The following FAM107B variants were observed in gnomAD, a reference collection of about 807,000 sequenced individuals.
The protein encoded by FAM107B is family with sequence similarity 107 member B.
FAM107B carries 21 observed loss-of-function variants against 31.5 expected under a neutral mutation model. The ratio of observed to expected loss-of-function variants is 0.67; its 90% CI spans 0.47 to 0.96. The LOEUF (loss-of-function observed/expected upper bound fraction) is 0.96. FAM107B is among the 40% of genes least tolerant of loss of function. The pLI, the probability that FAM107B is intolerant of heterozygous loss-of-function variation, is 0.00. For synonymous variants in FAM107B, 157 were observed against 141.5 expected (o/e 1.11, Z -0.78); for missense variants, 452 against 377.1 (o/e 1.20, Z -1.64).
chr10:14,704,794 C>T (rs900546667), intron 1 of FAM107B, among the ~76,000 whole-genome samples: 21 of 152,076 alleles, frequency 1.4e-4, no homozygotes, highest in Non-Finnish European at 2.9e-4. Context: ...GAGGCCAAGG[C>T]GGGTAGATTA....
intron 2 of FAM107B, among the ~76,000 whole-genome samples, chr10:14,546,642 C>T (rs140652288): frequency 6.6e-6 from 1 of 152,196 alleles, no homozygotes; most frequent in African/African-American, 2.4e-5. Context: ...AAACCAGTGA[C>T]TGCTCAGACA....
chr10:14,741,008 C>T (rs1856424267), intron 1 of FAM107B, among the ~76,000 whole-genome samples: 2 of 152,076 alleles, frequency 1.3e-5, no homozygotes. Flanking sequence ...GTGAAAACTA[C>T]AACAGGACCT....
chr10:14,744,758 T>C (rs1325981001), intron 1 of FAM107B, among the ~76,000 whole-genome samples: 1 of 152,206 alleles, frequency 6.6e-6, no homozygotes. Context: ...CAGTATTTTA[T>C]TGAGAAGTTT....
At chr10:14,761,340 G>C (rs1833044049) in intron 1 of FAM107B, among the ~76,000 whole-genome samples, 1 of 151,786 alleles carries the variant, frequency 6.6e-6, no homozygotes, top group Non-Finnish European at 1.5e-5. Context: ...GATAATAAAT[G>C]CTAAAAGAGC....
intron 1 of FAM107B, among the ~76,000 whole-genome samples, chr10:14,689,206 C>A (rs1855064945): frequency 6.6e-6 from 1 of 151,580 alleles, no homozygotes; most frequent in Non-Finnish European, 1.5e-5. Context: ...ATAGCAAAAC[C>A]TCATCTCTAA....
chr10:14,539,311 T>C (rs540407015), intron 2 of FAM107B, among the ~76,000 whole-genome samples: 2 of 152,286 alleles, frequency 1.3e-5, no homozygotes, highest in East Asian at 3.9e-4. Context: ...CTGGTATCTG[T>C]CAGAAGAAAG....
intron 2 of FAM107B, among the ~76,000 whole-genome samples, chr10:14,605,384 G>A (rs1229372192): frequency 6.6e-6 from 1 of 152,150 alleles, no homozygotes; most frequent in African/African-American, 2.4e-5. Context: ...CGGTTTCAGC[G>A]TAGCAAAAAG....
intron 2 of FAM107B, among the ~76,000 whole-genome samples, chr10:14,654,952 T>C (rs1854004862): frequency 6.6e-6 from 1 of 152,186 alleles, no homozygotes; most frequent in Non-Finnish European, 1.5e-5. Context: ...CTCAGTTCAT[T>C]CTGCATTGCT....
At chr10:14,538,494 A>G (rs749299096) in intron 2 of FAM107B, among the ~76,000 whole-genome samples, 2 of 152,220 alleles carry the variant, frequency 1.3e-5, no homozygotes, top group Non-Finnish European at 2.9e-5. Flanking sequence ...CCATGTACAT[A>G]ATGTTCAAAA....
intron 2 of FAM107B, chr10:14,548,533 A>G: frequency 1.0e-6 from 1 of 985,472 alleles, no homozygotes; most frequent in Non-Finnish European, 1.2e-6. Context: ...TGGAGGTGGC[A>G]GGAGGAACCT....
chr10:14,705,398 G>A (rs1375971887), intron 1 of FAM107B, among the ~76,000 whole-genome samples: 2 of 152,066 alleles, frequency 1.3e-5, no homozygotes, highest in African/African-American at 4.8e-5. Context: ...AGTCTAGAAT[G>A]GATATTTGCA....
At chr10:14,564,857 T>C (rs1018731444) in intron 2 of FAM107B, among the ~76,000 whole-genome samples, 1 of 152,222 alleles carries the variant, frequency 6.6e-6, no homozygotes, top group Non-Finnish European at 1.5e-5. Context: ...TACTATACCA[T>C]TGTCCTACTC....
At chr10:14,601,685 C>G (rs1205179900) in intron 2 of FAM107B, among the ~76,000 whole-genome samples, 1 of 152,200 alleles carries the variant, frequency 6.6e-6, no homozygotes, top group East Asian at 1.9e-4. Context: ...TGCCCAAAAT[C>G]TAGATCTCAC....
chr10:14,604,971 C>T (rs1852551846), intron 2 of FAM107B, among the ~76,000 whole-genome samples: 5 of 152,120 alleles, frequency 3.3e-5, no homozygotes, highest in Admixed American at 3.3e-4. Context: ...ACACAAAGTA[C>T]CCAAGAGCGT....
At chr10:14,556,526 C>T (rs1001787746) in intron 2 of FAM107B, 4 of 544,154 alleles carry the variant, frequency 7.4e-6, no homozygotes, top group South Asian at 8.1e-5. Flanking sequence ...CAAAGCCGTG[C>T]GCAACGTTTA....
rs528576225 is a variant in FAM107B, at chr10:14,750,332, C to T, written c.411+23921G>A. 2.0e-5 allele frequency among the ~76,000 whole-genome samples: 3 copies of T among 152,292 alleles called. No individual in the cohort carries two copies. In the South Asian group the frequency reaches 6.2e-4, roughly 32 times the overall value. ...AAGCATTTTTTTAAAGCACTGCAAG[C>T]CGAGCATGGTGGCTCAAGCCTGTAA... On this transcript the variant is annotated intron_variant, in intron 1 of 4. Coordinates refer to ENST00000181796, the MANE Select transcript of FAM107B (RefSeq NM_031453.4).
At chr10:14,690,701 C>T (rs1249389363) in intron 1 of FAM107B, among the ~76,000 whole-genome samples, 1 of 152,160 alleles carries the variant, frequency 6.6e-6, no homozygotes, top group African/African-American at 2.4e-5. Flanking sequence ...ATCCCCCCAC[C>T]TCTGCCTCCC....
chr10:14,687,078 A>G lies in FAM107B; in HGVS notation c.412-19387T>C, dbSNP rs1186365586. Reference sequence around the variant, plus strand: ...GAACGATTTCCTTGGTTCAGTAAATAGCTCTCATCTTTCAGGCTGTCCCCA... The same window carrying G: ...GAACGATTTCCTTGGTTCAGTAAATGGCTCTCATCTTTCAGGCTGTCCCCA... On this transcript the variant is annotated intron_variant, in intron 1 of 4. Transcript: ENST00000181796. Among the ~76,000 whole-genome samples the G allele has an allele frequency of 7.2e-5, 11 of 152,368 alleles. No individual in the cohort carries two copies. In the East Asian group the frequency reaches 2.1e-3, roughly 29 times the overall value.
At chr10:14,529,497 A>C (rs973996621) in intron 3 of FAM107B, 2 of 152,174 alleles carry the variant, frequency 1.3e-5, no homozygotes, top group African/African-American at 4.8e-5. Context: ...TCCCTGCAAA[A>C]AATTACCCTA....
Sources: gnomAD v4.1 joint callset for allele counts (sites outside exome capture counted in the v4.1 genomes callset) on GRCh38, gnomAD v4.1.1 for gene constraint, MANE v1.5 for transcripts, NCBI Gene and HGNC (gene_info 2026-07-23, HGNC 2026-07-21) for gene names.